The following EPM2A variants were observed in gnomAD, a reference collection of about 807,000 sequenced individuals.
EPM2A encodes laforin.
EPM2A carries 21 observed loss-of-function variants against 26.5 expected under a neutral mutation model. The ratio of observed to expected loss-of-function variants is 0.79; its 90% confidence interval spans 0.56 to 1.14. EPM2A has a LOEUF of 1.14. EPM2A is among the 50% of genes most tolerant of loss of function. EPM2A has a pLI of 0.00. For missense variants in EPM2A, 458 were observed against 440.8 expected (o/e 1.04, Z -0.35); for synonymous variants, 217 against 177.6 (o/e 1.22, Z -1.76).
chr6:145,522,292 G>A (rs1397005797), intron 2 of EPM2A, among the ~76,000 whole-genome samples: 1 of 152,000 alleles, frequency 6.6e-6, no homozygotes, highest in Non-Finnish European at 1.5e-5. Context: ...TACACATCCA[G>A]CTTAGGTACT....
At chr6:145,608,399 A>C (rs996143066) in intron 2 of EPM2A, among the ~76,000 whole-genome samples, 2 of 152,254 alleles carry the variant, frequency 1.3e-5, no homozygotes, top group African/African-American at 4.8e-5. Context: ...TTAAATGTTA[A>C]AAACTATTTC....
intron 2 of EPM2A, among the ~76,000 whole-genome samples, chr6:145,584,221 T>C (rs1048852312): frequency 3.3e-5 from 5 of 152,172 alleles, no homozygotes; most frequent in Admixed American, 3.3e-4. Context: ...GAGCTTGTTG[T>C]GTCAGTAGGG....
chr6:145,468,907 C>A (rs561844180), intron 4 of EPM2A, among the ~76,000 whole-genome samples: 1 of 152,084 alleles, frequency 6.6e-6, no homozygotes, highest in African/African-American at 2.4e-5. Context: ...AGATTAATAA[C>A]CAGAATACAT....
chr6:145,579,006 T>TG (rs1365093811), intron 2 of EPM2A, among the ~76,000 whole-genome samples: 1 of 148,920 alleles, frequency 6.7e-6, no homozygotes, highest in African/African-American at 2.5e-5. Flanking sequence ...TGTGGTGGGG[T>TG]GGGGGGAATG....
intron 4 of EPM2A, among the ~76,000 whole-genome samples, chr6:145,424,878 T>A (rs914871809): frequency 6.6e-6 from 1 of 152,220 alleles, no homozygotes; most frequent in African/African-American, 2.4e-5. Context: ...CCTAGAACTA[T>A]GAGAAATAAA....
At chr6:145,548,734 G>A (rs1251197307) in intron 2 of EPM2A, among the ~76,000 whole-genome samples, 1 of 151,984 alleles carries the variant, frequency 6.6e-6, no homozygotes, top group East Asian at 1.9e-4. Context: ...GCCTTCTGCT[G>A]CCTTTAAAAG....
chr6:145,495,839 T>A (rs540560670), intron 4 of EPM2A, among the ~76,000 whole-genome samples: 1 of 152,260 alleles, frequency 6.6e-6, no homozygotes, highest in African/African-American at 2.4e-5. Flanking sequence ...CCTCCCAAAG[T>A]GTTGGGATTA....
intron 4 of EPM2A, among the ~76,000 whole-genome samples, chr6:145,465,112 C>G (rs1779371804): frequency 6.6e-6 from 1 of 151,982 alleles, no homozygotes; most frequent in Non-Finnish European, 1.5e-5. Context: ...TCAGGTACAC[C>G]AATCAGACGT....
chr6:145,540,985 C>A (rs551995510), intron 2 of EPM2A, among the ~76,000 whole-genome samples: 2 of 152,188 alleles, frequency 1.3e-5, no homozygotes, highest in African/African-American at 4.8e-5. Context: ...GAACTGGCAG[C>A]CTTTTCAATT....
At chr6:145,491,744 A>G in intron 4 of EPM2A, 1 of 522,306 alleles carries the variant, frequency 1.9e-6, no homozygotes, top group Non-Finnish European at 3.9e-6. Flanking sequence ...TGTCCCTGTC[A>G]GTAACTTCTA....
At chr6:145,515,181 A>T (rs1183191642) in intron 2 of EPM2A, among the ~76,000 whole-genome samples, 1 of 152,224 alleles carries the variant, frequency 6.6e-6, no homozygotes, top group African/African-American at 2.4e-5. Flanking sequence ...TCAGAGAAAA[A>T]CAAACATCCT....
intron 4 of EPM2A, among the ~76,000 whole-genome samples, chr6:145,465,157 G>C (rs913335606): frequency 2.6e-5 from 4 of 151,794 alleles, no homozygotes; most frequent in Non-Finnish European, 5.9e-5. Context: ...CATATTTCTT[G>C]GAGGCTTTGC....
intron 2 of EPM2A, among the ~76,000 whole-genome samples, chr6:145,684,168 AT>A (rs1327362792): frequency 2.0e-5 from 3 of 152,142 alleles, no homozygotes; most frequent in Admixed American, 6.5e-5. Flanking sequence ...TAAGAAAAAA[AT>A]AATCGATAGT....
At chr6:145,705,348 T>C (rs1454271183) in intron 1 of EPM2A, among the ~76,000 whole-genome samples, 1 of 151,948 alleles carries the variant, frequency 6.6e-6, no homozygotes, top group Non-Finnish European at 1.5e-5. Flanking sequence ...TACAGATATA[T>C]AGATATATAT....
intron 1 of EPM2A, among the ~76,000 whole-genome samples, chr6:145,695,570 C>T (rs748580509): frequency 6.6e-6 from 1 of 151,874 alleles, no homozygotes; most frequent in Non-Finnish European, 1.5e-5. Flanking sequence ...CTTGTAAGAA[C>T]ACACGTAGAT....
At chr6:145,724,103 G>A (rs1027489314) in intron 1 of EPM2A, among the ~76,000 whole-genome samples, 2 of 152,058 alleles carry the variant, frequency 1.3e-5, no homozygotes, top group Non-Finnish European at 2.9e-5. Flanking sequence ...TAGTGGGGCT[G>A]CACTAACCTT....
At chr6:145,605,068 A>C (rs1775205819) in intron 2 of EPM2A, among the ~76,000 whole-genome samples, 1 of 152,312 alleles carries the variant, frequency 6.6e-6, no homozygotes, top group Non-Finnish European at 1.5e-5. Context: ...GCAAGAGAAA[A>C]GCAATTTTAA....
At chr6:145,402,703 A>T (rs1009355059) in intron 4 of EPM2A, among the ~76,000 whole-genome samples, 1 of 152,166 alleles carries the variant, frequency 6.6e-6, no homozygotes, top group African/African-American at 2.4e-5. Flanking sequence ...AGAGCAAAAG[A>T]GCACAGGCAA....
chr6:145,471,785 T>A (rs939775970), intron 4 of EPM2A, among the ~76,000 whole-genome samples: 8 of 152,056 alleles, frequency 5.3e-5, no homozygotes, highest in Non-Finnish European at 8.8e-5. Flanking sequence ...AGGGCCAAAA[T>A]GTTCTGTTTC....
Sources: gnomAD v4.1 joint callset for allele counts (sites outside exome capture counted in the v4.1 genomes callset) on GRCh38, gnomAD v4.1.1 for gene constraint, MANE v1.5 for transcripts, NCBI Gene and HGNC (gene_info 2026-07-23, HGNC 2026-07-21) for gene names.